The following CACNA2D3 variants were observed in gnomAD, a reference collection of about 807,000 sequenced individuals.
CACNA2D3 encodes voltage-dependent calcium channel subunit alpha-2/delta-3.
Under a neutral mutation model 160.6 loss-of-function variants are expected in CACNA2D3, and 60 were observed. That is an observed-to-expected ratio of 0.37 (90% CI 0.30 to 0.46). The LOEUF (loss-of-function observed/expected upper bound fraction) is 0.46. CACNA2D3 is among the 20% of genes least tolerant of loss of function. CACNA2D3 has a pLI of 1.00. For synonymous variants in CACNA2D3, 558 were observed against 492.9 expected, an observed-to-expected ratio of 1.13 and a Z score of -1.75; for missense variants, 1,205 against 1,365.0, an observed-to-expected ratio of 0.88 and a Z score of 1.85.
chr3:54,788,954 A>G (rs1352406460), intron 13 of CACNA2D3, among the ~76,000 whole-genome samples: 2 of 152,168 alleles, frequency 1.3e-5, no homozygotes, highest in Admixed American at 1.3e-4. Flanking sequence ...TTGTTGAGTG[A>G]AAAGAAAACC....
intron 5 of CACNA2D3, among the ~76,000 whole-genome samples, chr3:54,505,251 G>C (rs1030287296): frequency 6.6e-6 from 1 of 152,150 alleles, no homozygotes; most frequent in Admixed American, 6.5e-5. Flanking sequence ...AGTTCATATA[G>C]GGAACAGATA....
intron 8 of CACNA2D3, among the ~76,000 whole-genome samples, chr3:54,575,783 A>G (rs907795204): frequency 6.6e-6 from 1 of 152,214 alleles, no homozygotes; most frequent in African/African-American, 2.4e-5. Flanking sequence ...CTAGCCAGGC[A>G]TAGGCAAACG....
At chr3:54,344,070 A>C (rs756654313) in intron 3 of CACNA2D3, among the ~76,000 whole-genome samples, 1 of 152,176 alleles carries the variant, frequency 6.6e-6, no homozygotes, top group South Asian at 2.1e-4. Context: ...TTTTGCTGCA[A>C]ATTATCTCAC....
intron 4 of CACNA2D3, among the ~76,000 whole-genome samples, chr3:54,453,826 A>G (rs569470513): frequency 6.6e-6 from 1 of 152,136 alleles, no homozygotes; most frequent in African/African-American, 2.4e-5. Flanking sequence ...CCCTCCCATT[A>G]TTAGTTCGAG....
intron 17 of CACNA2D3, among the ~76,000 whole-genome samples, chr3:54,855,159 C>T (rs759234733): frequency 5.3e-5 from 8 of 152,124 alleles, no homozygotes; most frequent in African/African-American, 1.4e-4. Flanking sequence ...ATCTGGGCTG[C>T]GACTCTGGGT....
chr3:54,462,338 C>G (rs1225205269), intron 4 of CACNA2D3, among the ~76,000 whole-genome samples: 1 of 151,956 alleles, frequency 6.6e-6, no homozygotes, highest in Non-Finnish European at 1.5e-5. Flanking sequence ...TCCTTGTTAA[C>G]TTTGTCTCGC....
At chr3:55,004,463 C>T (rs975600778) in intron 31 of CACNA2D3, among the ~76,000 whole-genome samples, 3 of 151,512 alleles carry the variant, frequency 2.0e-5, no homozygotes, top group Admixed American at 1.3e-4. Flanking sequence ...ATATCTTGCT[C>T]AATGCAGACC....
intron 35 of CACNA2D3, among the ~76,000 whole-genome samples, chr3:55,049,951 G>T (rs1704152432): frequency 6.7e-6 from 1 of 150,212 alleles, no homozygotes; most frequent in African/African-American, 2.5e-5. Flanking sequence ...TTTTCCATTG[G>T]CTTGTTAGAT....
At chr3:54,342,856 C>T (rs1013694511) in intron 3 of CACNA2D3, among the ~76,000 whole-genome samples, 5 of 152,196 alleles carry the variant, frequency 3.3e-5, no homozygotes, top group East Asian at 1.9e-4. Flanking sequence ...CCATAGCTCT[C>T]GGGCTGTGCG....
chr3:54,169,868 T>C (rs1204607709), intron 2 of CACNA2D3, among the ~76,000 whole-genome samples: 1 of 152,014 alleles, frequency 6.6e-6, no homozygotes, highest in African/African-American at 2.4e-5. Flanking sequence ...AAGATCTGAA[T>C]GATAATGATT....
intron 11 of CACNA2D3, among the ~76,000 whole-genome samples, chr3:54,722,598 G>C (rs1178428902): frequency 6.6e-6 from 1 of 152,010 alleles, no homozygotes; most frequent in African/African-American, 2.4e-5. Flanking sequence ...GGTCTTTGAG[G>C]GGATGTGCTA....
chr3:54,533,794 AGTGTGT>A (rs61234075), intron 5 of CACNA2D3, among the ~76,000 whole-genome samples: 32,972 of 149,630 alleles, frequency 0.22, 3,651 homozygotes, highest in East Asian at 0.25. Flanking sequence ...AATGGAAAAT[AGTGTGT>A]GTGTGTGTGT....
intron 2 of CACNA2D3, among the ~76,000 whole-genome samples, chr3:54,283,861 G>T (rs1454067974): frequency 2.6e-5 from 4 of 152,002 alleles, no homozygotes; most frequent in Non-Finnish European, 5.9e-5. Context: ...TCAGGAGCTC[G>T]AGACCATCCT....
chr3:54,509,208 A>G (rs933096191), intron 5 of CACNA2D3, among the ~76,000 whole-genome samples: 2 of 152,202 alleles, frequency 1.3e-5, no homozygotes, highest in Non-Finnish European at 2.9e-5. Context: ...TTTGATGTGC[A>G]AGAAGGCTCA....
chr3:54,687,341 C>T (rs1484349260), intron 11 of CACNA2D3, among the ~76,000 whole-genome samples: 1 of 144,384 alleles, frequency 6.9e-6, no homozygotes, highest in Non-Finnish European at 1.5e-5. Flanking sequence ...TTAATGGAGA[C>T]GGGGTTTCAC....
intron 2 of CACNA2D3, among the ~76,000 whole-genome samples, chr3:54,242,959 A>C (rs760622382): frequency 6.6e-6 from 1 of 152,222 alleles, no homozygotes; most frequent in Non-Finnish European, 1.5e-5. Context: ...ACCTTTAACT[A>C]TTTGTGAAAA....
intron 5 of CACNA2D3, among the ~76,000 whole-genome samples, chr3:54,557,838 C>G (rs1217599543): frequency 6.6e-6 from 1 of 152,088 alleles, no homozygotes; most frequent in Admixed American, 6.5e-5. Flanking sequence ...TTTCACACCC[C>G]CAGGCTATGA....
At chr3:54,460,261 T>C (rs1272857516) in intron 4 of CACNA2D3, among the ~76,000 whole-genome samples, 23 of 152,164 alleles carry the variant, frequency 1.5e-4, no homozygotes, top group Non-Finnish European at 1.2e-4. Flanking sequence ...ATGCAGGCTC[T>C]TTTTTGGTTC....
At chr3:54,250,496 T>C (rs1218794477) in intron 2 of CACNA2D3, among the ~76,000 whole-genome samples, 1 of 152,134 alleles carries the variant, frequency 6.6e-6, no homozygotes, top group Non-Finnish European at 1.5e-5. Flanking sequence ...TGCGGTGATA[T>C]GATTATAGCT....
Sources: gnomAD v4.1 joint callset for allele counts (sites outside exome capture counted in the v4.1 genomes callset) on GRCh38, gnomAD v4.1.1 for gene constraint, MANE v1.5 for transcripts, NCBI Gene and HGNC (gene_info 2026-07-23, HGNC 2026-07-21) for gene names.